PPP4R3B: variants seen among roughly 807,000 people sequenced by gnomAD.
PPP4R3B encodes the protein serine/threonine-protein phosphatase 4 regulatory subunit 3B.
PPP4R3B carries 52 observed loss-of-function variants against 95.4 expected under a neutral mutation model. The ratio of observed to expected loss-of-function variants is 0.54; its 90% CI spans 0.44 to 0.69. The LOEUF (loss-of-function observed/expected upper bound fraction) is 0.69. Among genes scored for constraint, PPP4R3B ranks in the 30% least tolerant of loss-of-function variants. The probability of loss-of-function intolerance (pLI) is 0.00; values close to 1 mark genes in which losing one functional copy is unlikely to be tolerated. For synonymous variants in PPP4R3B, 407 were observed against 343.9 expected, an observed-to-expected ratio of 1.18 and a Z score of -2.03; for missense variants, 1,003 against 1,005.9, an observed-to-expected ratio of 1.00 and a Z score of 0.04.
chr2:55,592,094 C>T (rs923762823), intron 4 of PPP4R3B, among the ~76,000 whole-genome samples: 1 of 152,278 alleles, frequency 6.6e-6, no homozygotes, highest in South Asian at 2.1e-4. Flanking sequence ...AAACTCTTCT[C>T]TTTGCAGTAA....
intron 15 of PPP4R3B, among the ~76,000 whole-genome samples, chr2:55,559,468 C>A (rs1686303455): frequency 6.6e-6 from 1 of 152,180 alleles, no homozygotes; most frequent in African/African-American, 2.4e-5. Flanking sequence ...TGTCCCCACC[C>A]AAATCGCAAA....
In PPP4R3B at chr2:55,568,284, A is replaced by G; in HGVS notation, c.1845T>C (p.Phe615=). Residue 615 remains phenylalanine, a synonymous_variant, in exon 13 of 17, where the codon TTT becomes TTC. Coordinates refer to ENST00000616407, the MANE Select transcript of PPP4R3B (RefSeq NM_001122964.3). ...CCAGAAGTGCATTTATAACTGGCTC[A>G]AAAAGATTTCCCTTGGTGATGTAAC... ...YNRYITKGNL[F]EPVINALLDN... 6.2e-7 allele frequency: 1 copy of G among 1,611,358 alleles called. No homozygotes were observed. Among genetic ancestry groups the G allele is most frequent in the Non-Finnish European group, 8.5e-7 (1 of 1,178,682 alleles).
At chr2:55,592,843 A>C (rs908085366) in intron 4 of PPP4R3B, among the ~76,000 whole-genome samples, 1 of 152,224 alleles carries the variant, frequency 6.6e-6, no homozygotes, top group Non-Finnish European at 1.5e-5. Context: ...GTGCAGAAAT[A>C]ATCTCATTTT....
At chr2:55,615,595 C>G (rs1694780162) in intron 1 of PPP4R3B, 89 bp from the exon 2 acceptor site, 1 of 864,712 alleles carries the variant, frequency 1.2e-6, no homozygotes, top group Admixed American at 2.5e-5. Context: ...GGCGCAGTGG[C>G]TCACGTCTGT....
chr2:55,573,693 T>C lies in PPP4R3B; in HGVS notation c.1691A>G (p.Asn564Ser). ...CVEHHTYHIK[N>S]YIMNKDLLRR... ...TAGCAAGTCCTTGTTCATAATATAGTTTTTTATGTGATATGTGTGATGTTC... is the reference window on the plus strand; with the variant it reads ...TAGCAAGTCCTTGTTCATAATATAGCTTTTTATGTGATATGTGTGATGTTC... The change falls in exon 12 of 17, where the codon AAC becomes AGC. Residue 564 changes from asparagine to serine, a missense_variant. Asn to Ser is a conservative substitution (Grantham distance 46). Transcript: ENST00000616407. 6.5e-7 allele frequency: 1 copy of C among 1,546,760 alleles called. No individual in the cohort carries two copies.
chr2:55,563,676 G>C (rs1259219257), intron 15 of PPP4R3B, among the ~76,000 whole-genome samples: 1 of 152,034 alleles, frequency 6.6e-6, no homozygotes, highest in East Asian at 1.9e-4. Flanking sequence ...GCCCAGCAAG[G>C]TATAAATTTT....
intron 3 of PPP4R3B, among the ~76,000 whole-genome samples, chr2:55,600,011 T>C (rs974127589): frequency 1.8e-4 from 28 of 152,234 alleles, no homozygotes; most frequent in African/African-American, 6.8e-4. Flanking sequence ...AAAATTATCT[T>C]TGCTCTTGTT....
At chr2:55,569,680 C>A (rs1336369668) in intron 12 of PPP4R3B, among the ~76,000 whole-genome samples, 1 of 152,204 alleles carries the variant, frequency 6.6e-6, no homozygotes, top group Admixed American at 6.5e-5. Flanking sequence ...GGTTCACACT[C>A]CTTATTCTGC....
chr2:55,578,335 A>G lies in PPP4R3B; in HGVS notation c.1476T>C (p.Phe492=), dbSNP rs1423136579. ...TSEDKCEKDF[F]LKHYRYSWSF... is the part of the protein sequence containing the mutation. ...TCCAACTATATCTGTAATGTTTTAA[A>G]AAAAAATCTGAAAAAAAATATGGCA... The change falls in exon 10 of 17, where the codon TTT becomes TTC. Residue 492 remains phenylalanine, a synonymous_variant. Transcript: ENST00000616407. 2 of 1,402,290 alleles carry G rather than the reference A, an allele frequency of 1.4e-6. No homozygotes were observed. The highest frequency in any genetic ancestry group is 6.0e-5 in the Admixed American group (2 of 33,482). The allele number at this position is 1,402,290 out of a possible 1,614,324, so 86.9% of individuals were successfully genotyped here. A position where few individuals can be genotyped will look rare whatever the true frequency, so the allele number is the denominator to read the frequency against.
chr2:55,602,318 A>T (rs1466928313), intron 3 of PPP4R3B, among the ~76,000 whole-genome samples: 2 of 152,192 alleles, frequency 1.3e-5, no homozygotes, highest in African/African-American at 4.8e-5. Flanking sequence ...GGTGTAAGAG[A>T]GTCTTGGTCA....
chr2:55,585,142 G>A lies in PPP4R3B; in HGVS notation c.1142C>T (p.Ser381Leu), dbSNP rs139317897. The change falls in exon 7 of 17, where the codon TCA (serine) becomes TTA (leucine). Residue 381 changes from serine to leucine, a missense_variant. Physicochemically the swap from Ser to Leu is moderately radical, Grantham distance 145. Around this residue, in one of 3 missense-constraint regions of PPP4R3B, gnomAD observed 695 missense variants for 686.2 expected, o/e 1.01. Transcript: ENST00000616407. ...VMGMDDLQVR[S>L]AATDIFSYLV... Reference sequence around the variant, plus strand: ...ATAAGAAAATATATCTGTAGCAGCTGATCTGACTTGCAAATCATCCATGCC... The same window carrying A: ...ATAAGAAAATATATCTGTAGCAGCTAATCTGACTTGCAAATCATCCATGCC... The A allele has an allele frequency of 1.9e-5, 30 of 1,609,360 alleles. No homozygotes were observed. The highest frequency in any genetic ancestry group is 2.5e-5 in the Non-Finnish European group (30 of 1,178,288).
At chr2:55,606,234 C>T (rs1693369850) in intron 2 of PPP4R3B, among the ~76,000 whole-genome samples, 1 of 152,026 alleles carries the variant, frequency 6.6e-6, no homozygotes, top group Admixed American at 6.6e-5. Flanking sequence ...TTATAAAACA[C>T]ATGCTAAAAT....
chr2:55,585,206 C>G (rs1218320886), intron 6 of PPP4R3B, 39 bp from the exon 7 acceptor site: 1 of 1,417,428 alleles, frequency 7.1e-7, no homozygotes, highest in Non-Finnish European at 9.6e-7. Context: ...AGACTGTTAA[C>G]AAAAGTTATT....
chr2:55,565,301 C>T (rs2103946837), intron 13 of PPP4R3B, among the ~76,000 whole-genome samples: 1 of 131,642 alleles, frequency 7.6e-6, no homozygotes, highest in Non-Finnish European at 1.6e-5. Flanking sequence ...TTTACATCTT[C>T]TATTTTTTGT....
At chr2:55,584,267 A>T (rs1381362703) in intron 7 of PPP4R3B, among the ~76,000 whole-genome samples, 3 of 152,206 alleles carry the variant, frequency 2.0e-5, no homozygotes, top group Non-Finnish European at 4.4e-5. Flanking sequence ...TTGTCCTTAA[A>T]ATAGCTTAAG....
chr2:55,602,188 A>G lies in PPP4R3B; in HGVS notation c.297+1790T>C, dbSNP rs377130695. The stretch of plus-strand genomic sequence containing the variant: ...TATAGGAAAAGTTAGTTGTTTCTTT[A>G]AACCTAGCTCTACTCCACACTGGCC... On this transcript the variant is annotated intron_variant, in intron 3 of 16. Transcript: ENST00000616407. 7.9e-4 allele frequency among the ~76,000 whole-genome samples: 120 copies of G among 152,342 alleles called. 3 individuals carry two copies. The South Asian group carries it at 0.016, about 20-fold the overall frequency.
Position 55,599,119 on chromosome 2 carries a change from T to C in PPP4R3B, c.298-80A>G, listed in dbSNP as rs570116753. 3.7e-5 allele frequency: 48 copies of C among 1,289,602 alleles called. No individual in the cohort carries two copies. In the Admixed American group the frequency reaches 1.1e-3, roughly 30 times the overall value. 79.9% of individuals were successfully genotyped at this position (1,289,602 alleles called of 1,614,324 possible). On this transcript the variant is annotated intron_variant, in intron 3 of 16. Transcript: ENST00000616407. ...TTTTGGAAATCAAATCATTTGGAAA[T>C]GCCTGGCTAGTCACTACTAATTAAA...
chr2:55,555,089 G>A (rs1165217119), intron 16 of PPP4R3B, among the ~76,000 whole-genome samples: 1 of 151,920 alleles, frequency 6.6e-6, no homozygotes, highest in Non-Finnish European at 1.5e-5. Flanking sequence ...GAACATCCTG[G>A]CTAACACAGT....
chr2:55,587,189 T>C (rs1690260459), intron 5 of PPP4R3B, among the ~76,000 whole-genome samples: 1 of 152,264 alleles, frequency 6.6e-6, no homozygotes, highest in South Asian at 2.1e-4. Context: ...GATTTGCCTA[T>C]TGGTCTATTA....
Sources: allele counts gnomAD v4.1 joint callset (sites outside exome capture counted in the v4.1 genomes callset), GRCh38; gene constraint gnomAD v4.1.1; regional missense constraint gnomAD v4.1.1; transcripts MANE v1.5; gene names NCBI Gene and HGNC (gene_info 2026-07-23, HGNC 2026-07-21).